DCAF5: variants seen among roughly 807,000 people sequenced by gnomAD.
DCAF5 encodes the protein DDB1- and CUL4-associated factor 5.
A neutral mutation model predicts 80.7 loss-of-function variants in DCAF5; 9 were observed. The ratio of observed to expected loss-of-function variants is 0.11; its 90% CI spans 0.07 to 0.19. The LOEUF (loss-of-function observed/expected upper bound fraction) is 0.19, where lower values mean the gene tolerates loss of function less well. DCAF5 is among the 10% of genes least tolerant of loss of function. The pLI, the probability that DCAF5 is intolerant of heterozygous loss-of-function variation, is 1.00. For synonymous variants in DCAF5, 433 were observed against 461.9 expected (o/e 0.94, Z 0.80); for missense variants, 842 against 1,205.7 (o/e 0.70, Z 4.47).
At chr14:69,098,727 CAAAAAAAAAAAAAAAAA>C (rs35501979) in intron 5 of DCAF5, among the ~76,000 whole-genome samples, 1 of 92,524 alleles carries the variant, frequency 1.1e-5, no homozygotes, top group African/African-American at 4.5e-5. Context: ...ACTAAAAATA[CAAAAAAAAAAAAAAAAA>C]AAAATTAGCC....
At chr14:69,089,990 G>A (rs1038041931) in intron 6 of DCAF5, 1 of 985,444 alleles carries the variant, frequency 1.0e-6, no homozygotes, top group East Asian at 1.1e-4. Flanking sequence ...TAAGGTCCAT[G>A]AAGATAGGCT....
rs781239132 is a variant in DCAF5 at position 69,091,760 on chromosome 14, G to A, written c.793C>T (p.Arg265Cys). 5 of 1,614,022 alleles carry A rather than the reference G, an allele frequency of 3.1e-6. No individual in the cohort carries two copies. Among genetic ancestry groups the A allele is most frequent in the Non-Finnish European group, 4.2e-6 (5 of 1,180,030 alleles). The part of the protein sequence containing the change: ...LPPVLYDIHS[R>C]LPVFQFDNQG... ...TTGTCAAACTGAAACACAGGCAGGC[G>A]GGAATGGATGTCATAGAGCACAGGG... Residue 265 changes from arginine (R) to cysteine (C), a missense_variant, in exon 6 of 9, where the codon CGC becomes TGC. Coordinates refer to ENST00000341516, the MANE Select transcript of DCAF5 (RefSeq NM_003861.3).
chr14:69,054,072 A>G lies in DCAF5; in HGVS notation c.2614T>C (p.Ser872Pro), dbSNP rs1375516822. The G allele has an allele frequency of 5.0e-6, 8 of 1,614,042 alleles. No individual in the cohort carries two copies. The highest frequency in any genetic ancestry group is 6.8e-6 in the Non-Finnish European group (8 of 1,180,014). ...TGTAGGAGTGTCCCTGTCAGGGACG[A>G]GTTATCACGGTCAGTGTCTGAGTGT... ...PGHSDTDRDN[S>P]SLTGTLLHKD... Residue 872 changes from serine (S) to proline (P), a missense_variant, in exon 9 of 9, where the codon TCG (serine) becomes CCG (proline). Ser to Pro is a moderately conservative substitution (Grantham distance 74). Transcript: ENST00000341516.
intron 1 of DCAF5, among the ~76,000 whole-genome samples, chr14:69,142,836 C>G (rs2041416858): frequency 6.6e-6 from 1 of 152,174 alleles, no homozygotes; most frequent in African/African-American, 2.4e-5. Flanking sequence ...AGATATTAAA[C>G]TCAAATTACA....
chr14:69,117,414 G>C (rs983084810), intron 4 of DCAF5, among the ~76,000 whole-genome samples: 1 of 152,182 alleles, frequency 6.6e-6, no homozygotes, highest in African/African-American at 2.4e-5. Flanking sequence ...AAAAGACCCA[G>C]ATCCTGCCAG....
intron 1 of DCAF5, among the ~76,000 whole-genome samples, chr14:69,144,432 C>T (rs189241641): frequency 7.7e-4 from 117 of 151,820 alleles, no homozygotes; most frequent in African/African-American, 2.8e-3. Flanking sequence ...ATTAGCTGGG[C>T]GTGGTGGCGG....
At chr14:69,114,034 A>T (rs1409087371) in intron 5 of DCAF5, among the ~76,000 whole-genome samples, 4 of 152,212 alleles carry the variant, frequency 2.6e-5, no homozygotes, top group Non-Finnish European at 5.9e-5. Flanking sequence ...ATTGAAGAAG[A>T]ACTCAAAACA....
chr14:69,062,065 A>T (rs1246965239), intron 8 of DCAF5, among the ~76,000 whole-genome samples: 2 of 151,964 alleles, frequency 1.3e-5, no homozygotes, highest in African/African-American at 2.4e-5. Flanking sequence ...TTCTTTTTTT[A>T]AAATTTATTT....
intron 5 of DCAF5, among the ~76,000 whole-genome samples, chr14:69,100,611 T>C (rs1429246744): frequency 2.0e-5 from 3 of 152,230 alleles, no homozygotes; most frequent in Non-Finnish European, 4.4e-5. Context: ...GGTCTGAAAC[T>C]ACACTCAGTT....
chr14:69,100,946 A>C (rs1455347452), intron 5 of DCAF5, among the ~76,000 whole-genome samples: 1 of 152,230 alleles, frequency 6.6e-6, no homozygotes, highest in Non-Finnish European at 1.5e-5. Context: ...ATCAACATAG[A>C]TACCCCTGAA....
chr14:69,106,769 G>A (rs1331495989), intron 5 of DCAF5, among the ~76,000 whole-genome samples: 2 of 152,222 alleles, frequency 1.3e-5, no homozygotes, highest in African/African-American at 4.8e-5. Context: ...GCTGGGCGCG[G>A]TGGCTCATGC....
intron 7 of DCAF5, among the ~76,000 whole-genome samples, chr14:69,071,811 A>G (rs993505845): frequency 6.6e-6 from 1 of 152,204 alleles, no homozygotes; most frequent in African/African-American, 2.4e-5. Flanking sequence ...ACCTTGCTAA[A>G]TATTTTTTAT....
chr14:69,061,539 A>G (rs1277373826), intron 8 of DCAF5, among the ~76,000 whole-genome samples: 1 of 152,196 alleles, frequency 6.6e-6, no homozygotes, highest in Non-Finnish European at 1.5e-5. Flanking sequence ...CATTCAGCCA[A>G]TGTGCAAATG....
chr14:69,096,249 C>T (rs756279558), intron 5 of DCAF5, among the ~76,000 whole-genome samples: 1 of 152,136 alleles, frequency 6.6e-6, no homozygotes, highest in Non-Finnish European at 1.5e-5. Flanking sequence ...CTTTTGTTTT[C>T]CTAATGCACT....
chr14:69,076,004 T>C (rs2038884463), intron 6 of DCAF5, among the ~76,000 whole-genome samples: 1 of 151,700 alleles, frequency 6.6e-6, no homozygotes, highest in South Asian at 2.1e-4. Context: ...CAAAGAAATA[T>C]ACAAATGGCT....
At chr14:69,151,558 G>A (rs2041703686) in intron 1 of DCAF5, among the ~76,000 whole-genome samples, 1 of 152,138 alleles carries the variant, frequency 6.6e-6, no homozygotes, top group African/African-American at 2.4e-5. Context: ...ACAGAAGAGG[G>A]CAGCAGCCAA....
chr14:69,069,557 C>T (rs982079374), intron 7 of DCAF5, among the ~76,000 whole-genome samples: 1 of 152,342 alleles, frequency 6.6e-6, no homozygotes, highest in South Asian at 2.1e-4. Context: ...GCTCAGCCTC[C>T]TGAGCAACTG....
At chr14:69,075,454 TATAGA>T in intron 6 of DCAF5, 43 bp from the exon 7 acceptor site, 1 of 1,233,286 alleles carries the variant, frequency 8.1e-7, no homozygotes, top group Non-Finnish European at 1.1e-6. Flanking sequence ...TATATTATAA[TATAGA>T]ATAAATACAA....
At chr14:69,149,824 A>G (rs1157348950) in intron 1 of DCAF5, among the ~76,000 whole-genome samples, 4 of 152,366 alleles carry the variant, frequency 2.6e-5, no homozygotes, top group Admixed American at 6.5e-5. Flanking sequence ...GATACATAGC[A>G]TTAGCCTCAG....
Sources: allele counts gnomAD v4.1 joint callset (sites outside exome capture counted in the v4.1 genomes callset), GRCh38; gene constraint gnomAD v4.1.1; transcripts MANE v1.5; gene names NCBI Gene and HGNC (gene_info 2026-07-23, HGNC 2026-07-21).